The following THAP4 variants were observed in gnomAD, a reference collection of about 807,000 sequenced individuals.
The protein encoded by THAP4 is THAP domain containing 4.
A neutral mutation model predicts 48.1 loss-of-function variants in THAP4; 18 were observed. The observed-to-expected ratio is 0.37, with a 90% CI of 0.26 to 0.56. THAP4 has a LOEUF of 0.56. Ranked by LOEUF, THAP4 falls within the 20% of genes least tolerant of loss-of-function variation. The pLI, the probability that THAP4 is intolerant of heterozygous loss-of-function variation, is 0.78. For missense variants in THAP4, 656 were observed against 774.9 expected, an observed-to-expected ratio of 0.85 and a Z score of 1.82; for synonymous variants, 345 against 324.9, an observed-to-expected ratio of 1.06 and a Z score of -0.66.
chr2:241,602,358 GTT>G (rs1443927907), intron 4 of THAP4, among the ~76,000 whole-genome samples: 1 of 144,300 alleles, frequency 6.9e-6, no homozygotes, highest in African/African-American at 2.5e-5. Context: ...ACGCAGGCTG[GTT>G]TTTTTTTTTT....
chr2:241,589,768 G>A (rs959628335), intron 5 of THAP4, among the ~76,000 whole-genome samples: 1 of 152,118 alleles, frequency 6.6e-6, no homozygotes, highest in Non-Finnish European at 1.5e-5. Context: ...CCCGGAACTG[G>A]AAACAAATAA....
At position 241,614,933 on chromosome 2, in the gene THAP4, C is replaced by G. The variant is rs756912878; in HGVS notation, c.1241-8460G>C. 8.5e-4 allele frequency among the ~76,000 whole-genome samples: 130 copies of G among 152,062 alleles called. 1 individual carries two copies. The highest frequency in any genetic ancestry group is 1.1e-3 in the Non-Finnish European group (74 of 67,978). On this transcript the variant is annotated intron_variant, in intron 2 of 5. Transcript: ENST00000407315. Reference sequence around the variant, plus strand: ...AAAACAAAAACAAAACTAAGGAATGCCTTCTTCAAGTTCCTCTGGAACAGT... The same window carrying G: ...AAAACAAAAACAAAACTAAGGAATGGCTTCTTCAAGTTCCTCTGGAACAGT...
chr2:241,613,453 G>T (rs1159720658), intron 2 of THAP4, among the ~76,000 whole-genome samples: 1 of 152,142 alleles, frequency 6.6e-6, no homozygotes, highest in Non-Finnish European at 1.5e-5. Context: ...AGCAGTGGAA[G>T]ATTTCATTTT....
chr2:241,615,379 T>C (rs2067326704), intron 2 of THAP4, among the ~76,000 whole-genome samples: 1 of 152,104 alleles, frequency 6.6e-6, no homozygotes, highest in Non-Finnish European at 1.5e-5. Flanking sequence ...AATTAATATT[T>C]CAAAAAGCAG....
chr2:241,617,317 G>A (rs7580021), intron 2 of THAP4: 278,382 of 889,724 alleles, frequency 0.31, 45,584 homozygotes, highest in South Asian at 0.44. Flanking sequence ...TTCTTTTATT[G>A]AAATCTCAAC....
intron 2 of THAP4, chr2:241,617,585 G>C (rs1575032565): frequency 1.1e-6 from 1 of 938,942 alleles, no homozygotes; most frequent in East Asian, 2.8e-5. Flanking sequence ...TCACGTCTCA[G>C]AAGAAAGTAA....
intron 1 of THAP4, 123 bp from the exon 2 acceptor site, chr2:241,634,202 A>T (rs1270937030): frequency 1.5e-6 from 1 of 664,006 alleles, no homozygotes; most frequent in South Asian, 2.2e-5. Flanking sequence ...TCATCCACTT[A>T]AAAAAATACT....
chr2:241,634,177 T>A, intron 1 of THAP4, 98 bp from the exon 2 acceptor site: 1 of 882,952 alleles, frequency 1.1e-6, no homozygotes. Flanking sequence ...GCACGCACCC[T>A]AAGCCGTATT....
intron 5 of THAP4, among the ~76,000 whole-genome samples, chr2:241,598,388 A>G (rs1484167549): frequency 6.6e-6 from 1 of 152,182 alleles, no homozygotes; most frequent in Admixed American, 6.5e-5. Flanking sequence ...ATGTCTAAAA[A>G]CAACATATCA....
intron 5 of THAP4, among the ~76,000 whole-genome samples, chr2:241,589,856 G>A (rs550130780): frequency 2.6e-5 from 4 of 152,262 alleles, no homozygotes; most frequent in East Asian, 3.9e-4. Flanking sequence ...ACAAGCAGAC[G>A]TGGCACATGC....
rs573218447 is a variant in THAP4 at position 241,613,982 on chromosome 2, T to C, written c.1241-7509A>G. Among the ~76,000 whole-genome samples the C allele has an allele frequency of 2.0e-4, 30 of 152,020 alleles. 1 individual carries two copies. The South Asian group carries it at 6.2e-3, about 32-fold the overall frequency. On this transcript the variant is annotated intron_variant, in intron 2 of 5. Coordinates refer to ENST00000407315, the MANE Select transcript of THAP4 (RefSeq NM_015963.6). ...GCCTGGGCAACATAGTGAAACCCCA[T>C]CTCTACCAGAAATACAAAAAAATTA... is the stretch of plus-strand genomic sequence containing the variant.
At chr2:241,637,494 C>T, upstream of THAP4, 1 of 1,447,768 alleles carries the variant, frequency 6.9e-7, no homozygotes, top group Non-Finnish European at 9.0e-7. Context: ...AGCCGTCGTC[C>T]CACGACACGA....
At chr2:241,630,163 C>T (rs2067539534) in intron 2 of THAP4, among the ~76,000 whole-genome samples, 1 of 152,140 alleles carries the variant, frequency 6.6e-6, no homozygotes, top group African/African-American at 2.4e-5. Context: ...TCTGTCAACA[C>T]CCTTTTAAAT....
Position 241,606,418 on chromosome 2 carries a change from C to G in THAP4, c.1296G>C (p.Trp432Cys). 2 of 1,607,648 alleles carry G rather than the reference C, an allele frequency of 1.2e-6. No homozygotes were observed. The change falls in exon 3 of 6, where the codon TGG becomes TGC. Residue 432 changes from tryptophan (W) to cysteine (C), a missense_variant. Around this residue, in one of 4 missense-constraint regions of THAP4, gnomAD observed 176 missense variants for 256.7 expected, o/e 0.69. Transcript: ENST00000407315. ...TCCCGGCTCCAGGTGGGTCCGACAG[C>G]CAGGTGCCCAGCATCCAGGACAGTG... ...VEPLSWMLGTWLSDPPGAGTY... is the reference protein window; with the variant it reads ...VEPLSWMLGTCLSDPPGAGTY...
intron 5 of THAP4, among the ~76,000 whole-genome samples, chr2:241,596,951 G>A (rs2067056481): frequency 6.6e-6 from 1 of 152,196 alleles, no homozygotes; most frequent in Non-Finnish European, 1.5e-5. Context: ...CACTACCATA[G>A]ACTTTATAAA....
Position 241,629,348 on chromosome 2 carries a change from G to C in THAP4, c.1240+3569C>G, listed in dbSNP as rs535964331. Among the ~76,000 whole-genome samples the C allele has an allele frequency of 2.0e-5, 3 of 151,932 alleles. No homozygotes were observed. In the East Asian group the frequency reaches 5.8e-4, roughly 29 times the overall value. ...TAGCCGGATGTGGTGGTATGTGCCT[G>C]TAGTCCCAGCTACTCGAGAGGCTGA... On this transcript the variant is annotated intron_variant, in intron 2 of 5. Coordinates refer to ENST00000407315, the MANE Select transcript of THAP4 (RefSeq NM_015963.6).
intron 2 of THAP4, among the ~76,000 whole-genome samples, chr2:241,618,014 G>A (rs527427623): frequency 2.3e-4 from 35 of 152,296 alleles, no homozygotes; most frequent in Admixed American, 1.2e-3. Context: ...TTAGTGACAC[G>A]TTGTTTCCTG....
At position 241,610,381 on chromosome 2, in the gene THAP4, A is replaced by G. The variant is rs1022201831; in HGVS notation, c.1241-3908T>C. 1.7e-4 allele frequency among the ~76,000 whole-genome samples: 26 copies of G among 152,106 alleles called. No individual in the cohort carries two copies. Among genetic ancestry groups the G allele is most frequent in the African/African-American group, 6.3e-4 (26 of 41,428 alleles). ...CGCCCCCCAGCGCCAGGGTCACGCC[A>G]CCGCGCCCTGTTTGGGGAGCGGCAG... On this transcript the variant is annotated intron_variant, in intron 2 of 5. Coordinates refer to ENST00000407315, the MANE Select transcript of THAP4 (RefSeq NM_015963.6). The surrounding 1 kb of genome is among the most constrained non-coding windows in gnomAD (Gnocchi z 4.2).
At chr2:241,598,848 C>T (rs1180235093) in intron 5 of THAP4, among the ~76,000 whole-genome samples, 1 of 151,466 alleles carries the variant, frequency 6.6e-6, no homozygotes, top group Non-Finnish European at 1.5e-5. Flanking sequence ...TTTCTGAATA[C>T]AATTCTTGGC....
Sources: gnomAD v4.1 joint callset for allele counts (sites outside exome capture counted in the v4.1 genomes callset) on GRCh38, gnomAD v4.1.1 for gene constraint, gnomAD v4.1.1 regional missense constraint, Gnocchi (gnomAD v3.1) non-coding constraint, MANE v1.5 for transcripts, NCBI Gene and HGNC (gene_info 2026-07-23, HGNC 2026-07-21) for gene names.